Variants in CADPS2 observed in about 807,000 individuals in gnomAD.
CADPS2 encodes the protein calcium dependent secretion activator 2.
CADPS2 carries 93 observed loss-of-function variants against 172.5 expected under a neutral mutation model. The ratio of observed to expected loss-of-function variants is 0.54; its 90% CI spans 0.46 to 0.64. CADPS2 has a LOEUF of 0.64. CADPS2 is among the 30% of genes least tolerant of loss of function. CADPS2 has a pLI of 0.00. For missense variants in CADPS2, 1,420 were observed against 1,565.9 expected, an observed-to-expected ratio of 0.91 and a Z score of 1.57; for synonymous variants, 546 against 555.2, an observed-to-expected ratio of 0.98 and a Z score of 0.23.
At chr7:122,659,362 C>A (rs1182135771) in intron 3 of CADPS2, among the ~76,000 whole-genome samples, 3 of 146,736 alleles carry the variant, frequency 2.0e-5, no homozygotes, top group African/African-American at 7.5e-5. Context: ...CTTTGATAGG[C>A]TCATTAGTGG....
intron 2 of CADPS2, among the ~76,000 whole-genome samples, chr7:122,684,244 TCA>T (rs1408672913): frequency 2.0e-5 from 3 of 152,142 alleles, no homozygotes; most frequent in Admixed American, 6.6e-5. Flanking sequence ...CACTTAAAAA[TCA>T]CAGTTTCTGA....
chr7:122,850,382 C>A, intron 1 of CADPS2: 1 of 345,694 alleles, frequency 2.9e-6, no homozygotes. Flanking sequence ...CACCTTCCCT[C>A]CCCAGAGCAC....
At chr7:122,597,530 A>T (rs2072023559) in intron 6 of CADPS2, among the ~76,000 whole-genome samples, 1 of 152,100 alleles carries the variant, frequency 6.6e-6, no homozygotes, top group East Asian at 1.9e-4. Context: ...GAGAATAATT[A>T]TAGAATACTC....
chr7:122,666,927 C>A (rs1247203090), intron 2 of CADPS2, among the ~76,000 whole-genome samples: 1 of 152,182 alleles, frequency 6.6e-6, no homozygotes, highest in Non-Finnish European at 1.5e-5. Context: ...AACTACTCTG[C>A]CATGCAGTAA....
At chr7:122,881,645 C>A (rs1013370881) in intron 1 of CADPS2, among the ~76,000 whole-genome samples, 2 of 152,116 alleles carry the variant, frequency 1.3e-5, no homozygotes, top group Non-Finnish European at 2.9e-5. Flanking sequence ...CATTTTTGGA[C>A]TATCATCAGA....
chr7:122,463,534 A>C (rs1182151333), intron 14 of CADPS2, among the ~76,000 whole-genome samples: 2 of 152,206 alleles, frequency 1.3e-5, no homozygotes, highest in African/African-American at 2.4e-5. Context: ...ATTAAATAGT[A>C]CATAAGACAT....
chr7:122,656,139 G>C (rs2079752746), intron 3 of CADPS2, among the ~76,000 whole-genome samples: 1 of 152,096 alleles, frequency 6.6e-6, no homozygotes, highest in Non-Finnish European at 1.5e-5. Flanking sequence ...TATAAGCTGG[G>C]TGCAGAGAGT....
chr7:122,662,284 A>G (rs2080660397), intron 3 of CADPS2, among the ~76,000 whole-genome samples: 1 of 152,224 alleles, frequency 6.6e-6, no homozygotes, highest in Admixed American at 6.5e-5. Flanking sequence ...TAAACAAACA[A>G]AATGCAAATA....
chr7:122,400,368 C>T (rs939679761), intron 20 of CADPS2, among the ~76,000 whole-genome samples: 8 of 151,696 alleles, frequency 5.3e-5, no homozygotes, highest in Non-Finnish European at 5.9e-5. Context: ...ATCTGGGAGG[C>T]GGAGGTTGTG....
At chr7:122,548,385 A>T (rs966670196) in intron 8 of CADPS2, among the ~76,000 whole-genome samples, 3 of 152,100 alleles carry the variant, frequency 2.0e-5, no homozygotes, top group South Asian at 2.1e-4. Context: ...AAATTTTTTT[A>T]AATTAAAATA....
At chr7:122,640,355 C>T (rs2077481405) in intron 3 of CADPS2, among the ~76,000 whole-genome samples, 1 of 152,066 alleles carries the variant, frequency 6.6e-6, no homozygotes, top group Non-Finnish European at 1.5e-5. Context: ...CTAGCCACTT[C>T]AAAGCACTAT....
intron 25 of CADPS2, among the ~76,000 whole-genome samples, chr7:122,375,930 A>T (rs1183202966): frequency 6.6e-6 from 1 of 152,122 alleles, no homozygotes; most frequent in East Asian, 1.9e-4. Context: ...AAAATGAGCA[A>T]AGCACTACAT....
At chr7:122,439,750 C>A (rs2151951966) in intron 16 of CADPS2, among the ~76,000 whole-genome samples, 1 of 152,224 alleles carries the variant, frequency 6.6e-6, no homozygotes, top group African/African-American at 2.4e-5. Flanking sequence ...CAGAAAAATC[C>A]TTTTGTGCAT....
At chr7:122,654,798 A>C (rs1338172465) in intron 3 of CADPS2, among the ~76,000 whole-genome samples, 1 of 152,236 alleles carries the variant, frequency 6.6e-6, no homozygotes, top group Non-Finnish European at 1.5e-5. Flanking sequence ...TTGTAAAGCT[A>C]TAGCTACCAC....
intron 1 of CADPS2, among the ~76,000 whole-genome samples, chr7:122,862,961 A>G (rs1817343331): frequency 6.6e-6 from 1 of 152,210 alleles, no homozygotes; most frequent in African/African-American, 2.4e-5. Flanking sequence ...AGGGGAAGTT[A>G]AGCAATATTT....
chr7:122,589,113 T>C (rs546234756), intron 6 of CADPS2, among the ~76,000 whole-genome samples: 151 of 152,106 alleles, frequency 9.9e-4, no homozygotes, highest in African/African-American at 3.4e-3. Context: ...CTATTAGTCA[T>C]TGCCCTGCAC....
At chr7:122,869,416 T>C (rs950279135) in intron 1 of CADPS2, among the ~76,000 whole-genome samples, 5 of 151,972 alleles carry the variant, frequency 3.3e-5, no homozygotes, top group Admixed American at 6.6e-5. Context: ...CAGAAGTAAA[T>C]GGGATAATAT....
At chr7:122,471,671 T>C (rs2055967039) in intron 13 of CADPS2, 109 bp from the exon 14 acceptor site, 2 of 869,746 alleles carry the variant, frequency 2.3e-6, no homozygotes, top group Admixed American at 3.2e-5. Flanking sequence ...TGAAAGTATC[T>C]TGACATTTAT....
chr7:122,356,511 T>A (rs2039428090), intron 27 of CADPS2, among the ~76,000 whole-genome samples: 1 of 152,182 alleles, frequency 6.6e-6, no homozygotes, highest in African/African-American at 2.4e-5. Context: ...CTTTGCTTAT[T>A]GTACTCTTCG....
Sources: allele counts gnomAD v4.1 joint callset (sites outside exome capture counted in the v4.1 genomes callset), GRCh38; gene constraint gnomAD v4.1.1; transcripts MANE v1.5; gene names NCBI Gene and HGNC (gene_info 2026-07-23, HGNC 2026-07-21).